Variants in MAF observed in about 807,000 individuals in gnomAD.
The protein encoded by MAF is MAF bZIP transcription factor.
MAF carries 10 observed loss-of-function variants against 22.0 expected under a neutral mutation model. The observed-to-expected ratio is 0.45, with a 90% CI of 0.28 to 0.77. The LOEUF is 0.77. Among genes scored for constraint, MAF ranks in the 30% least tolerant of loss-of-function variants. The pLI, the probability that MAF is intolerant of heterozygous loss-of-function variation, is 0.12. For synonymous variants in MAF, 337 were observed against 255.8 expected (o/e 1.32, Z -3.03); for missense variants, 544 against 548.4 (o/e 0.99, Z 0.08).
At chr16:79,260,071 T>A in the MAF span, among the ~76,000 whole-genome samples, 166 of 152,200 alleles carry the variant, frequency 1.1e-3, no homozygotes, top group Non-Finnish European at 1.7e-3. Context: ...GACTGGGATA[T>A]TTTTTCTTGC....
the MAF span, among the ~76,000 whole-genome samples, chr16:79,569,871 CAAGTT>C: frequency 6.6e-6 from 1 of 152,168 alleles, no homozygotes; most frequent in Admixed American, 6.5e-5. Flanking sequence ...CAAAGTAAAA[CAAGTT>C]AAATACAAAC....
chr16:79,396,491 C>A, the MAF span, among the ~76,000 whole-genome samples: 1 of 152,202 alleles, frequency 6.6e-6, no homozygotes, highest in Non-Finnish European at 1.5e-5. Context: ...GAAAAAGCCT[C>A]CTTGACCCAC....
chr16:79,504,010 C>T, the MAF span, among the ~76,000 whole-genome samples: 1 of 152,110 alleles, frequency 6.6e-6, no homozygotes, highest in Non-Finnish European at 1.5e-5. Flanking sequence ...GTAAATATCC[C>T]CAAATTTCTC....
At chr16:79,269,747 C>T in the MAF span, among the ~76,000 whole-genome samples, 6 of 152,156 alleles carry the variant, frequency 3.9e-5, no homozygotes, top group Non-Finnish European at 5.9e-5. Flanking sequence ...TCATGCAAAT[C>T]GCCCTGAGTG....
chr16:79,526,540 T>C, the MAF span, among the ~76,000 whole-genome samples: 1 of 152,216 alleles, frequency 6.6e-6, no homozygotes, highest in South Asian at 2.1e-4. Flanking sequence ...TGCATAGACA[T>C]GTCTCCCTGA....
At chr16:79,257,343 T>C in the MAF span, among the ~76,000 whole-genome samples, 1 of 152,194 alleles carries the variant, frequency 6.6e-6, no homozygotes, top group Non-Finnish European at 1.5e-5. Context: ...CTTTCTCTAC[T>C]AGCTTTGCTA....
the MAF span, among the ~76,000 whole-genome samples, chr16:79,551,100 C>G: frequency 9.2e-5 from 14 of 152,154 alleles, no homozygotes; most frequent in South Asian, 1.0e-3. Flanking sequence ...GGACCTCACC[C>G]TAGTCTCCTT....
At chr16:79,519,942 G>T in the MAF span, among the ~76,000 whole-genome samples, 1 of 152,230 alleles carries the variant, frequency 6.6e-6, no homozygotes, top group South Asian at 2.1e-4. Context: ...GTTTGTCAAT[G>T]CAAGACCTTC....
At chr16:79,209,547 G>C in the MAF span, among the ~76,000 whole-genome samples, 1 of 152,126 alleles carries the variant, frequency 6.6e-6, no homozygotes, top group Non-Finnish European at 1.5e-5. Flanking sequence ...GGGTGAGCTG[G>C]ATTCTCCCAC....
the MAF span, among the ~76,000 whole-genome samples, chr16:79,569,709 G>C: frequency 2.3e-4 from 35 of 151,662 alleles, no homozygotes; most frequent in Non-Finnish European, 3.7e-4. Context: ...AATTATTGAT[G>C]CCTGGGTACC....
rs1913999181 is a variant in MAF at position 79,600,711 on chromosome 16, A to T, written c.-809T>A. Reference sequence around the variant, plus strand: ...CGAGCTACAGCTAGAAGATGAAAAAAGATTTTAAAGCCTCTGATCCAGCAA... The same window carrying T: ...CGAGCTACAGCTAGAAGATGAAAAATGATTTTAAAGCCTCTGATCCAGCAA... On this transcript the variant is annotated 5_prime_UTR_variant, in exon 1 of 2. Transcript: ENST00000326043. The T allele has an allele frequency of 1.5e-5, 3 of 194,902 alleles. No individual in the cohort carries two copies. The South Asian group carries it at 5.9e-4, about 39-fold the overall frequency. 12.1% of individuals were successfully genotyped at this position (194,902 alleles called of 1,614,324 possible).
the MAF span, among the ~76,000 whole-genome samples, chr16:79,233,372 C>T: frequency 2.0e-5 from 3 of 152,058 alleles, no homozygotes; most frequent in South Asian, 4.1e-4. Context: ...TCATCCAGGG[C>T]CCCTTGTGCA....
downstream of MAF, among the ~76,000 whole-genome samples, chr16:79,590,789 C>T (rs1219414622): frequency 6.6e-6 from 1 of 152,078 alleles, no homozygotes; most frequent in Non-Finnish European, 1.5e-5. Context: ...AAGTCTGGGC[C>T]ATACTCTCCC....
the MAF span, among the ~76,000 whole-genome samples, chr16:79,476,927 C>A: frequency 6.6e-6 from 1 of 152,130 alleles, no homozygotes; most frequent in Non-Finnish European, 1.5e-5. Context: ...TTGAGAGTCG[C>A]GTTATCATCC....
chr16:79,532,826 G>T, the MAF span, among the ~76,000 whole-genome samples: 2 of 152,180 alleles, frequency 1.3e-5, no homozygotes, highest in African/African-American at 4.8e-5. Context: ...GGAGCACATG[G>T]ACCTTGTCTC....
At chr16:79,549,875 C>G in the MAF span, among the ~76,000 whole-genome samples, 9 of 152,080 alleles carry the variant, frequency 5.9e-5, no homozygotes, top group Admixed American at 2.6e-4. Context: ...TAAAGGAAGT[C>G]AAAAAGGATG....
chr16:79,316,238 C>A, the MAF span, among the ~76,000 whole-genome samples: 1 of 152,178 alleles, frequency 6.6e-6, no homozygotes, highest in African/African-American at 2.4e-5. Context: ...CCTTACTTAG[C>A]AAATGACCAA....
the MAF span, among the ~76,000 whole-genome samples, chr16:79,430,809 T>A: frequency 2.0e-5 from 3 of 152,216 alleles, no homozygotes; most frequent in Non-Finnish European, 4.4e-5. Flanking sequence ...ACGCATAGCT[T>A]TTCTGTGTTT....
chr16:79,534,031 C>A, the MAF span, among the ~76,000 whole-genome samples: 2 of 152,214 alleles, frequency 1.3e-5, no homozygotes, highest in Non-Finnish European at 2.9e-5. Context: ...ACAAGCTCAT[C>A]TTACAAGAGC....
Sources: allele counts gnomAD v4.1 joint callset (sites outside exome capture counted in the v4.1 genomes callset), GRCh38; gene constraint gnomAD v4.1.1; transcripts MANE v1.5; gene names NCBI Gene and HGNC (gene_info 2026-07-23, HGNC 2026-07-21).